The following ANKRD30A variants were observed in gnomAD, a reference collection of about 807,000 sequenced individuals.
ANKRD30A encodes the protein ankyrin repeat domain-containing protein 30A.
In ANKRD30A, 170 loss-of-function variants were observed where a neutral mutation model predicts 166.3. That is an observed-to-expected ratio of 1.02 (90% CI 0.90 to 1.16). The LOEUF (loss-of-function observed/expected upper bound fraction) is 1.16, where lower values mean the gene tolerates loss of function less well. ANKRD30A is among the 50% of genes most tolerant of loss of function. The probability of loss-of-function intolerance (pLI) is 0.00; values close to 1 mark genes in which losing one functional copy is unlikely to be tolerated. For synonymous variants in ANKRD30A, 564 were observed against 508.9 expected, an observed-to-expected ratio of 1.11 and a Z score of -1.46; for missense variants, 1,630 against 1,518.0, an observed-to-expected ratio of 1.07 and a Z score of -1.23.
chr10:37,132,387 G>T, intron 4 of ANKRD30A, 41 bp downstream of exon 4: 1 of 1,210,650 alleles, frequency 8.3e-7, no homozygotes, highest in Non-Finnish European at 1.2e-6. Context: ...CTTGAGTAGT[G>T]TTCTAGAGTA....
chr10:37,197,331 T>C lies in ANKRD30A; in HGVS notation c.2643+22T>C, dbSNP rs764784978. On this transcript the variant is annotated intron_variant, in intron 28 of 35. Transcript: ENST00000361713. Reference sequence around the variant, plus strand: ...CGAGGTATTTAGTTTTATGATTTCATTTTGAATGACTTATTAACTATGTAT... The same window carrying C: ...CGAGGTATTTAGTTTTATGATTTCACTTTGAATGACTTATTAACTATGTAT... 4 of 1,613,400 alleles carry C rather than the reference T, an allele frequency of 2.5e-6. No individual in the cohort carries two copies. In the East Asian group the frequency reaches 6.7e-5, roughly 27 times the overall value.
At chr10:37,198,723 C>T (rs1841368507) in intron 29 of ANKRD30A, among the ~76,000 whole-genome samples, 1 of 152,014 alleles carries the variant, frequency 6.6e-6, no homozygotes, top group South Asian at 2.1e-4. Context: ...TGAACGTTAG[C>T]TATGCTGTGA....
At chr10:37,211,502 A>G (rs1842315189) in intron 31 of ANKRD30A, among the ~76,000 whole-genome samples, 1 of 152,102 alleles carries the variant, frequency 6.6e-6, no homozygotes, top group South Asian at 2.1e-4. Flanking sequence ...CATGGTGTAT[A>G]TGTGCCACAT....
Position 37,165,078 on chromosome 10 carries a change from G to C in ANKRD30A, c.2003-16G>C, listed in dbSNP as rs1359345238. ...GAACTGTGCTCATGAATGTATCTGT[G>C]ATTAACCTTTTATAGATGAGATACT... On this transcript the variant is annotated splice_polypyrimidine_tract_variant and intron_variant, in intron 17 of 35. Transcript: ENST00000361713. 6 of 1,601,710 alleles carry C rather than the reference G, an allele frequency of 3.7e-6. No homozygotes were observed. Among genetic ancestry groups the C allele is most frequent in the Non-Finnish European group, 5.1e-6 (6 of 1,169,436 alleles).
chr10:37,162,440 C>A (rs1479498219), intron 15 of ANKRD30A, among the ~76,000 whole-genome samples: 4 of 152,162 alleles, frequency 2.6e-5, no homozygotes, highest in Non-Finnish European at 5.9e-5. Flanking sequence ...GTCTTAACTG[C>A]ATGATCTGAG....
At chr10:37,219,983 A>C (rs549371920) in intron 34 of ANKRD30A, 86 bp downstream of exon 34, 2 of 302,184 alleles carry the variant, frequency 6.6e-6, no homozygotes, top group East Asian at 7.9e-5. Context: ...TGCTGAATCT[A>C]GTTGAATATA....
chr10:37,134,089 A>T, intron 5 of ANKRD30A, 36 bp downstream of exon 5: 1 of 1,606,750 alleles, frequency 6.2e-7, no homozygotes, highest in South Asian at 1.1e-5. Flanking sequence ...GTGAGATTTT[A>T]TAGTTTGTTT....
intron 31 of ANKRD30A, among the ~76,000 whole-genome samples, chr10:37,210,194 T>C (rs1272593783): frequency 6.6e-6 from 1 of 152,126 alleles, no homozygotes; most frequent in Non-Finnish European, 1.5e-5. Context: ...CTCCCACTTA[T>C]GAGTGAGAAC....
intron 34 of ANKRD30A, 139 bp downstream of exon 34, chr10:37,220,036 G>GATATATT (rs1842832014): frequency 6.4e-6 from 1 of 157,196 alleles, no homozygotes; most frequent in Non-Finnish European, 1.1e-5. Context: ...TATAATATAT[G>GATATATT]TATGTATAAA....
In ANKRD30A at chr10:37,178,647, G is replaced by A. The variant is rs1028838257; in HGVS notation, c.2421+2429G>A. 3.5e-5 allele frequency: 32 copies of A among 918,342 alleles called. 1 individual carries two copies. The highest frequency in any genetic ancestry group is 3.9e-5 in the Non-Finnish European group (30 of 768,062). The allele number at this position is 918,342 out of a possible 1,614,324, so 56.9% of individuals were successfully genotyped here. On this transcript the variant is annotated intron_variant, in intron 24 of 35. Coordinates refer to ENST00000361713, the MANE Select transcript of ANKRD30A (RefSeq NM_052997.3). ...TTTTTAGTCAGGGGAGAAGAAGAAA[G>A]GAGCAATGCAATAGAAATTATAGAT...
intron 5 of ANKRD30A, chr10:37,135,277 GT>G (rs987053630): frequency 3.3e-5 from 5 of 152,162 alleles, no homozygotes; most frequent in Non-Finnish European, 7.3e-5. Flanking sequence ...TTGAAACAAT[GT>G]TGAGAAGATC....
At chr10:37,214,272 C>T (rs1301095419) in intron 31 of ANKRD30A, among the ~76,000 whole-genome samples, 1 of 151,540 alleles carries the variant, frequency 6.6e-6, no homozygotes, top group Non-Finnish European at 1.5e-5. Context: ...GTTGTTTCAT[C>T]TTTAATCAAT....
At chr10:37,231,355 A>T in intron 34 of ANKRD30A, 106 bp from the exon 35 acceptor site, 3 of 853,296 alleles carry the variant, frequency 3.5e-6, no homozygotes, top group Non-Finnish European at 5.2e-6. Context: ...TTAATGGGAA[A>T]TGTTATTTAT....
At chr10:37,183,989 A>G (rs1483419367) in intron 24 of ANKRD30A, among the ~76,000 whole-genome samples, 1 of 151,688 alleles carries the variant, frequency 6.6e-6, no homozygotes, top group Non-Finnish European at 1.5e-5. Context: ...TCTACTAAAA[A>G]TACAAAAAAT....
At chr10:37,194,831 G>T (rs762549855) in intron 27 of ANKRD30A, among the ~76,000 whole-genome samples, 7 of 152,092 alleles carry the variant, frequency 4.6e-5, no homozygotes, top group Admixed American at 4.6e-4. Flanking sequence ...ACTAAAAGTC[G>T]AAATTAAATG....
At chr10:37,255,497 T>G in the ANKRD30A span, among the ~76,000 whole-genome samples, 1 of 152,242 alleles carries the variant, frequency 6.6e-6, no homozygotes, top group Admixed American at 6.5e-5. Context: ...TAATAAGCTT[T>G]GCCATTTTAA....
chr10:37,129,129 A>G (rs1012165305), intron 1 of ANKRD30A, among the ~76,000 whole-genome samples: 8 of 152,162 alleles, frequency 5.3e-5, no homozygotes, highest in African/African-American at 1.4e-4. Context: ...CTTAAAAGCT[A>G]ACATTTCTTT....
chr10:37,144,928 GTA>G, intron 7 of ANKRD30A, 65 bp from the exon 8 acceptor site: 1 of 1,190,576 alleles, frequency 8.4e-7, no homozygotes, highest in East Asian at 2.6e-5. Flanking sequence ...AAATAGATTT[GTA>G]TATGTTTTAA....
rs763763782 is a variant in ANKRD30A at position 37,178,444 on chromosome 10, A to T, written c.2421+2226A>T. On this transcript the variant is annotated intron_variant, in intron 24 of 35. Transcript: ENST00000361713. ...CACACTGAGATTCAGCCGACCTGGGATTCTGCATTTTTAAAAAGTTCTCAG... is the reference window on the plus strand; with the variant it reads ...CACACTGAGATTCAGCCGACCTGGGTTTCTGCATTTTTAAAAAGTTCTCAG... 764 of 793,498 alleles carry T rather than the reference A, an allele frequency of 9.6e-4. 16 individuals are homozygous for T. The highest frequency in any genetic ancestry group is 1.2e-3 in the Middle Eastern group (2 of 1,676). The allele number at this position is 793,498 out of a possible 1,614,324, so 49.2% of individuals were successfully genotyped here.
Sources: gnomAD v4.1 joint callset for allele counts (sites outside exome capture counted in the v4.1 genomes callset) on GRCh38, gnomAD v4.1.1 for gene constraint, MANE v1.5 for transcripts, NCBI Gene and HGNC (gene_info 2026-07-23, HGNC 2026-07-21) for gene names.